The following EIF3A variants were observed in gnomAD, a reference collection of about 807,000 sequenced individuals.
EIF3A encodes the protein EIF3, p180 subunit.
In EIF3A, 21 loss-of-function variants were observed where a neutral mutation model predicts 186.6. The ratio of observed to expected loss-of-function variants is 0.11; its 90% CI spans 0.08 to 0.16. The LOEUF is 0.16. EIF3A is among the 10% of genes least tolerant of loss of function. The pLI, the probability that EIF3A is intolerant of heterozygous loss-of-function variation, is 1.00. For missense variants in EIF3A, 1,306 were observed against 1,796.3 expected (o/e 0.73, Z 4.93); for synonymous variants, 563 against 584.3 (o/e 0.96, Z 0.52).
chr10:119,068,763 G>A (rs1342117370), intron 6 of EIF3A, among the ~76,000 whole-genome samples: 1 of 151,924 alleles, frequency 6.6e-6, no homozygotes, highest in Non-Finnish European at 1.5e-5. Context: ...ATCATGAGGT[G>A]AGGAGTGGAG....
chr10:119,041,161 G>A (rs958385156), intron 19 of EIF3A, among the ~76,000 whole-genome samples: 2 of 151,860 alleles, frequency 1.3e-5, no homozygotes, highest in East Asian at 1.9e-4. Flanking sequence ...CTGGGAGACA[G>A]AGCAAGACTC....
At chr10:119,041,350 A>G (rs894857661) in intron 19 of EIF3A, among the ~76,000 whole-genome samples, 2 of 152,172 alleles carry the variant, frequency 1.3e-5, no homozygotes, top group African/African-American at 2.4e-5. Flanking sequence ...AGGCAGAAGG[A>G]TAACTTGGGC....
chr10:119,055,410 A>G (rs1217623633), intron 14 of EIF3A, among the ~76,000 whole-genome samples: 2 of 152,192 alleles, frequency 1.3e-5, no homozygotes, highest in Non-Finnish European at 2.9e-5. Context: ...ACTGATCACT[A>G]CAACAAATAT....
intron 1 of EIF3A, among the ~76,000 whole-genome samples, chr10:119,075,317 C>T (rs148474585): frequency 2.0e-5 from 3 of 152,156 alleles, no homozygotes; most frequent in African/African-American, 7.2e-5. Context: ...TATGTGGTAA[C>T]ATTTCAAAAC....
At chr10:119,067,391 A>T (rs529272002) in intron 6 of EIF3A, among the ~76,000 whole-genome samples, 1 of 152,224 alleles carries the variant, frequency 6.6e-6, no homozygotes, top group East Asian at 1.9e-4. Flanking sequence ...AAGCTTTGAG[A>T]CCAGCCTGGG....
At chr10:119,076,684 A>G (rs576473736) in intron 1 of EIF3A, among the ~76,000 whole-genome samples, 1 of 147,388 alleles carries the variant, frequency 6.8e-6, no homozygotes, top group South Asian at 2.1e-4. Flanking sequence ...GCTCACACCT[A>G]TAATCCTAGC....
intron 1 of EIF3A, among the ~76,000 whole-genome samples, chr10:119,078,631 C>T (rs1052929317): frequency 1.3e-5 from 2 of 152,060 alleles, no homozygotes; most frequent in Admixed American, 1.3e-4. Context: ...ACGCATGCAT[C>T]CCCATCCAAC....
At chr10:119,059,841 G>T in intron 9 of EIF3A, 123 bp from the exon 10 acceptor site, 63 of 676,528 alleles carry the variant, frequency 9.3e-5, no homozygotes, top group East Asian at 1.1e-4. Context: ...GCAGTACATT[G>T]TTAAAGCCAG....
intron 1 of EIF3A, among the ~76,000 whole-genome samples, chr10:119,079,641 G>C (rs1240529200): frequency 6.6e-6 from 1 of 151,954 alleles, no homozygotes; most frequent in Non-Finnish European, 1.5e-5. Context: ...CCAAGAACAT[G>C]TGCATCCCCA....
chr10:119,036,047 G>C lies in EIF3A; in HGVS notation c.4141C>G (p.Arg1381Gly). 1 of 1,611,720 alleles carries C rather than the reference G, an allele frequency of 6.2e-7. No homozygotes were observed. The highest frequency in any genetic ancestry group is 1.7e-4 in the Middle Eastern group (1 of 6,056). Residue 1381 changes from arginine (R) to glycine (G), a missense_variant, in exon 22 of 22, where the codon CGA (arginine) becomes GGA (glycine). Coordinates refer to ENST00000369144, the MANE Select transcript of EIF3A (RefSeq NM_003750.4). ...ETDEDGWTTV[R>G]R ...ATCCATTATCTTGAGACTTAACGTC[G>C]TACTGTGGTCCATCCATCTTCATCA...
At chr10:119,036,982 T>C in intron 21 of EIF3A, 137 bp downstream of exon 21, 2 of 688,228 alleles carry the variant, frequency 2.9e-6, no homozygotes, top group Non-Finnish European at 5.0e-6. Context: ...TGTATGAAAA[T>C]CATGAATTCT....
chr10:119,050,408 T>A (rs143246541), intron 16 of EIF3A, 113 bp downstream of exon 16: 2 of 1,070,206 alleles, frequency 1.9e-6, no homozygotes, highest in African/African-American at 1.6e-5. Flanking sequence ...TTAATTACAG[T>A]GCTAAAAGGC....
chr10:119,074,982 T>TC (rs1182851898), intron 1 of EIF3A, among the ~76,000 whole-genome samples: 3 of 52,032 alleles, frequency 5.8e-5, no homozygotes, highest in African/African-American at 1.0e-4. Context: ...CTTATTTTTT[T>TC]TCTTTTTTTT....
chr10:119,044,937 CTTTTCTT>C (rs1848262559), intron 17 of EIF3A, among the ~76,000 whole-genome samples: 3 of 66,720 alleles, frequency 4.5e-5, no homozygotes, highest in African/African-American at 8.8e-5. Context: ...TTTGAATTTT[CTTTTCTT>C]TTTTTTTTTT....
In EIF3A at chr10:119,070,767, T is replaced by C. The variant is rs1844058728; in HGVS notation, c.741+119A>G. 3 of 730,420 alleles carry C rather than the reference T, an allele frequency of 4.1e-6. No homozygotes were observed. The East Asian group carries it at 8.1e-5, about 20-fold the overall frequency. 45.2% of individuals were successfully genotyped at this position (730,420 alleles called of 1,614,324 possible). On this transcript the variant is annotated intron_variant, in intron 5 of 21. Transcript: ENST00000369144. ...CTTTTCCCAGTCCATTAGGCAACTT[T>C]AATTCCTTACCTTATTGAAATTAAC...
Position 119,060,814 on chromosome 10 carries a change from T to G in EIF3A, c.1258A>C (p.Lys420Gln), listed in dbSNP as rs1388146467. 3 of 1,611,948 alleles carry G rather than the reference T, an allele frequency of 1.9e-6. No homozygotes were observed. Among genetic ancestry groups the G allele is most frequent in the Non-Finnish European group, 2.5e-6 (3 of 1,179,098 alleles). Residue 420 changes from lysine to glutamine, a missense_variant, in exon 9 of 22, where the codon AAG (lysine) becomes CAG (glutamine). Coordinates refer to ENST00000369144, the MANE Select transcript of EIF3A (RefSeq NM_003750.4). ...ACATACTGCTGCAATTCCGGTTCCTTTTCAGGTTGTTCCCTAACCCAATTT... is the reference window on the plus strand; with the variant it reads ...ACATACTGCTGCAATTCCGGTTCCTGTTCAGGTTGTTCCCTAACCCAATTT... ...VLNWVREQPE[K>Q]EPELQQYVPQ...
intron 4 of EIF3A, among the ~76,000 whole-genome samples, chr10:119,072,024 C>CGAAAAAA (rs1844080570): frequency 1.7e-5 from 1 of 59,472 alleles, no homozygotes; most frequent in African/African-American, 6.0e-5. Flanking sequence ...GACTCTGTCT[C>CGAAAAAA]AAAAAAAAAA....
rs1359366760 is a variant in EIF3A, at chr10:119,075,640, C to CTATATATA, written c.50-1711_50-1704dup. The stretch of plus-strand genomic sequence containing the variant: ...AAAAAAAGGGGGGGAGCTTAAAACA[C>CTATATATA]TATATATATACATATATATATATAT... On this transcript the variant is annotated intron_variant, in intron 1 of 21. Coordinates refer to ENST00000369144, the MANE Select transcript of EIF3A (RefSeq NM_003750.4). Among the ~76,000 whole-genome samples the CTATATATA allele has an allele frequency of 1.8e-4, 8 of 44,726 alleles. No homozygotes were observed. The East Asian group carries it at 2.1e-3, about 12-fold the overall frequency. 29.3% of individuals were successfully genotyped at this position (44,726 alleles called of 152,430 possible). A position where few individuals can be genotyped will look rare whatever the true frequency, so the allele number is the denominator to read the frequency against.
chr10:119,058,790 C>T (rs572631153), intron 11 of EIF3A, among the ~76,000 whole-genome samples: 1 of 152,146 alleles, frequency 6.6e-6, no homozygotes, highest in Non-Finnish European at 1.5e-5. Context: ...GGCTGAGGCA[C>T]AAGAATTGCT....
Sources: allele counts gnomAD v4.1 joint callset (sites outside exome capture counted in the v4.1 genomes callset), GRCh38; gene constraint gnomAD v4.1.1; transcripts MANE v1.5; gene names NCBI Gene and HGNC (gene_info 2026-07-23, HGNC 2026-07-21).